NSUN6: variants seen among roughly 807,000 people sequenced by gnomAD.
NSUN6 encodes tRNA (cytosine(72)-C(5))-methyltransferase NSUN6.
A neutral mutation model predicts 58.0 loss-of-function variants in NSUN6; 64 were observed. The ratio of observed to expected loss-of-function variants is 1.10; its 90% CI spans 0.90 to 1.36. The LOEUF is 1.36. Ranked by LOEUF, NSUN6 falls within the 40% of genes most tolerant of loss-of-function variation. The pLI, the probability that NSUN6 is intolerant of heterozygous loss-of-function variation, is 0.00. For missense variants in NSUN6, 701 were observed against 550.1 expected, an observed-to-expected ratio of 1.27 and a Z score of -2.74; for synonymous variants, 231 against 193.9, an observed-to-expected ratio of 1.19 and a Z score of -1.59.
intron 3 of NSUN6, among the ~76,000 whole-genome samples, chr10:18,632,050 A>C (rs1045233823): frequency 6.6e-6 from 1 of 150,594 alleles, no homozygotes; most frequent in African/African-American, 2.4e-5. Context: ...CTGGTACCAA[A>C]ACAGAGATAT....
chr10:18,565,949 C>A (rs2055898235), intron 8 of NSUN6, among the ~76,000 whole-genome samples: 1 of 149,578 alleles, frequency 6.7e-6, no homozygotes, highest in African/African-American at 2.5e-5. Flanking sequence ...CATTCCCTTC[C>A]ATTCTCCATT....
At position 18,555,222 on chromosome 10, in the gene NSUN6, AT is replaced by A. The variant is rs748318880; in HGVS notation, c.923-3252del. Among the ~76,000 whole-genome samples, 19 of 148,302 alleles carry A rather than the reference AT, an allele frequency of 1.3e-4. 1 individual carries two copies. The highest frequency in any genetic ancestry group is 1.0e-3 in the East Asian group (5 of 4,932). ...AATGGAATATGGAATGGAATGGAGG[AT>A]GAAATGGAATAGAGTGGAGAGTATA... is the stretch of plus-strand genomic sequence containing the variant. On this transcript the variant is annotated intron_variant, in intron 8 of 10. Coordinates refer to ENST00000377304, the MANE Select transcript of NSUN6 (RefSeq NM_182543.5).
chr10:18,622,144 C>G (rs2058630576), intron 3 of NSUN6, among the ~76,000 whole-genome samples: 1 of 151,976 alleles, frequency 6.6e-6, no homozygotes, highest in South Asian at 2.1e-4. Context: ...TGCTGAAACC[C>G]GAACTCAATG....
chr10:18,567,154 T>A (rs1051292782), intron 8 of NSUN6, among the ~76,000 whole-genome samples: 5 of 150,546 alleles, frequency 3.3e-5, no homozygotes, highest in Non-Finnish European at 6.0e-5. Context: ...CTCCATTACA[T>A]CCTCCATTAC....
At chr10:18,572,392 TTCCATTCCAA>T (rs891471577) in intron 8 of NSUN6, among the ~76,000 whole-genome samples, 1 of 151,358 alleles carries the variant, frequency 6.6e-6, no homozygotes, top group African/African-American at 2.4e-5. Context: ...TTCTATTCCA[TTCCATTCCAA>T]TCCATTGTCC....
At chr10:18,604,161 G>A (rs1439294609) in intron 6 of NSUN6, among the ~76,000 whole-genome samples, 1 of 152,128 alleles carries the variant, frequency 6.6e-6, no homozygotes, top group Admixed American at 6.5e-5. Context: ...CAGCCTGGGC[G>A]ACAGAGTGAG....
rs80038432 is a variant in NSUN6, at chr10:18,578,939, C to G, written c.922+7010G>C. ...CAACGGTAATGGTAATGTGTCATCT[C>G]TGCATTCACCACTTCTAATATTCTC... On this transcript the variant is annotated intron_variant, in intron 8 of 10. Coordinates refer to ENST00000377304, the MANE Select transcript of NSUN6 (RefSeq NM_182543.5). 5.8e-3 allele frequency among the ~76,000 whole-genome samples: 879 copies of G among 152,280 alleles called. 11 individuals are homozygous for G. Among genetic ancestry groups the G allele is most frequent in the African/African-American group, 0.02 (840 of 41,564 alleles).
chr10:18,655,893 A>C (rs963674876), upstream of NSUN6, among the ~76,000 whole-genome samples: 6 of 152,214 alleles, frequency 3.9e-5, no homozygotes, highest in Non-Finnish European at 8.8e-5. Context: ...TAAACTACAG[A>C]AGAGATGTCA....
upstream of NSUN6, chr10:18,651,750 C>T: frequency 1.0e-6 from 1 of 985,542 alleles, no homozygotes; most frequent in African/African-American, 1.7e-5. Flanking sequence ...AGGTTCCTAA[C>T]CCTGCGTGAG....
rs146299657 is a variant in NSUN6 at position 18,627,422 on chromosome 10, T to C, written c.312-11129A>G. Among the ~76,000 whole-genome samples, 670 of 152,218 alleles carry C rather than the reference T, an allele frequency of 4.4e-3. 20 individuals are homozygous for C. The highest frequency in any genetic ancestry group is 0.028 in the Admixed American group (433 of 15,286). ...AAGAATAAAAATCTGAGGAGAAGAA[T>C]AGGAACAGCTCCGGTCTACAGCTCC... On this transcript the variant is annotated intron_variant, in intron 3 of 10. Coordinates refer to ENST00000377304, the MANE Select transcript of NSUN6 (RefSeq NM_182543.5).
intron 3 of NSUN6, among the ~76,000 whole-genome samples, chr10:18,617,678 C>T (rs1463425075): frequency 1.3e-5 from 2 of 152,102 alleles, no homozygotes; most frequent in Non-Finnish European, 2.9e-5. Flanking sequence ...GCCCAGATAA[C>T]CAAACTAGAT....
rs56983139 is a variant in NSUN6, at chr10:18,600,978, GTATATA to G, written c.658-4657_658-4652del. On this transcript the variant is annotated intron_variant, in intron 6 of 10. Transcript: ENST00000377304. ...TATATATACATATATATATATATAT[GTATATA>G]TATATATATTATATACTAGCTGCCA... is the stretch of plus-strand genomic sequence containing the variant. Among the ~76,000 whole-genome samples, 113 of 77,022 alleles carry G rather than the reference GTATATA, an allele frequency of 1.5e-3. 4 individuals are homozygous for G. The highest frequency in any genetic ancestry group is 2.5e-3 in the Admixed American group (16 of 6,504). The allele number at this position is 77,022 out of a possible 152,430, so 50.5% of individuals were successfully genotyped here.
chr10:18,578,250 TGAG>T (rs2056754231), intron 8 of NSUN6, among the ~76,000 whole-genome samples: 1 of 148,382 alleles, frequency 6.7e-6, no homozygotes, highest in Non-Finnish European at 1.5e-5. Context: ...TTTTTTTTTT[TGAG>T]ATGGAGTTTC....
At chr10:18,648,424 T>C (rs914121782) in intron 2 of NSUN6, 66 bp downstream of exon 2, 14 of 1,028,012 alleles carry the variant, frequency 1.4e-5, no homozygotes, top group Non-Finnish European at 3.0e-6. Flanking sequence ...TCATAGGATT[T>C]TAATGGAAAA....
intron 3 of NSUN6, among the ~76,000 whole-genome samples, chr10:18,629,997 C>A (rs796443019): frequency 6.6e-6 from 1 of 150,398 alleles, no homozygotes; most frequent in Admixed American, 6.7e-5. Flanking sequence ...TGACCACATA[C>A]TTGGAAGTAA....
At chr10:18,592,718 A>T (rs527402172) in intron 7 of NSUN6, among the ~76,000 whole-genome samples, 1 of 152,174 alleles carries the variant, frequency 6.6e-6, no homozygotes, top group Non-Finnish European at 1.5e-5. Context: ...CTCAAGATGG[A>T]TTAAAAACTT....
chr10:18,572,678 TCTTCCATTCTC>T (rs775616689), intron 8 of NSUN6, among the ~76,000 whole-genome samples: 9 of 147,384 alleles, frequency 6.1e-5, no homozygotes, highest in African/African-American at 1.5e-4. Flanking sequence ...TTCTCCATTC[TCTTCCATTCTC>T]CTTCCATTCT....
At chr10:18,607,987 T>G (rs988381660) in intron 6 of NSUN6, among the ~76,000 whole-genome samples, 1 of 152,218 alleles carries the variant, frequency 6.6e-6, no homozygotes, top group Non-Finnish European at 1.5e-5. Context: ...AAGCAGTCAG[T>G]GTTAGCTGTG....
intron 5 of NSUN6, among the ~76,000 whole-genome samples, chr10:18,611,461 G>A (rs2058232948): frequency 1.3e-5 from 2 of 152,060 alleles, no homozygotes; most frequent in Non-Finnish European, 1.5e-5. Flanking sequence ...GTAAAATAAC[G>A]TCAGTAGATA....
Sources: gnomAD v4.1 joint callset for allele counts (sites outside exome capture counted in the v4.1 genomes callset) on GRCh38, gnomAD v4.1.1 for gene constraint, MANE v1.5 for transcripts, NCBI Gene and HGNC (gene_info 2026-07-23, HGNC 2026-07-21) for gene names.